The following SBF1 variants were observed in gnomAD, a reference collection of about 807,000 sequenced individuals.
The protein encoded by SBF1 is myotubularin-related protein 5.
In SBF1, 65 loss-of-function variants were observed where a neutral mutation model predicts 215.8. That is an observed-to-expected ratio of 0.30 (90% confidence interval 0.25 to 0.37). The LOEUF is 0.37. Among genes scored for constraint, SBF1 ranks in the 10% least tolerant of loss-of-function variants. The pLI, the probability that SBF1 is intolerant of heterozygous loss-of-function variation, is 1.00. For missense variants in SBF1, 2,634 were observed against 2,667.8 expected, an observed-to-expected ratio of 0.99 and a Z score of 0.28; for synonymous variants, 1,410 against 1,122.8, an observed-to-expected ratio of 1.26 and a Z score of -5.11.
Position 50,459,111 on chromosome 22 carries a change from C to T in SBF1, c.3826+144G>A, listed in dbSNP as rs569406980. ...CTTCCCGCCCCTGCCCCACGGCACC[C>T]GGAGGGCATGCTCCTCATCCCACAC... is the stretch of plus-strand genomic sequence containing the variant. On this transcript the variant is annotated intron_variant, in intron 28 of 40. Coordinates refer to ENST00000380817, the MANE Select transcript of SBF1 (RefSeq NM_002972.4). 42 of 1,268,228 alleles carry T rather than the reference C, an allele frequency of 3.3e-5. 1 individual carries two copies. The highest frequency in any genetic ancestry group is 3.6e-5 in the Non-Finnish European group (34 of 937,572). 78.6% of individuals were successfully genotyped at this position (1,268,228 alleles called of 1,614,324 possible). A position where few individuals can be genotyped will look rare whatever the true frequency, so the allele number is the denominator to read the frequency against.
At position 50,466,128 on chromosome 22, in the gene SBF1, G is replaced by A. The variant is rs1398215379; in HGVS notation, c.897+22C>T. ...GACCTGCAGGCCTGGGCCGTGAGGT[G>A]GACACAAAGCACAGCCCTTACCAGC... On this transcript the variant is annotated intron_variant, in intron 8 of 40. Transcript: ENST00000380817. The A allele has an allele frequency of 2.5e-6, 4 of 1,613,034 alleles. No individual in the cohort carries two copies. The African/African-American group carries it at 5.3e-5, about 22-fold the overall frequency.
intron 22 of SBF1, 30 bp downstream of exon 22, chr22:50,461,493 G>T: frequency 6.4e-7 from 1 of 1,564,510 alleles, no homozygotes; most frequent in Non-Finnish European, 8.7e-7. Context: ...GGGAGAGGGG[G>T]CGACAGGGCC....
chr22:50,461,271 A>G lies in SBF1; in HGVS notation c.2855T>C (p.Val952Ala). Reference protein sequence around the residue: ...PTDPLVGEQVVVRSFPVAALT... With the variant: ...PTDPLVGEQVAVRSFPVAALT... ...CGCAGCCACCGGGAAGGAGCGGACC[A>G]CCACCTGCTCCCCAACTTAGGACAG... Residue 952 changes from valine to alanine, a missense_variant, in exon 23 of 41, where the codon GTG becomes GCG. By Grantham distance (64) the Val-to-Ala change is moderately conservative (BLOSUM62 0). Transcript: ENST00000380817. 3 of 1,575,366 alleles carry G rather than the reference A, an allele frequency of 1.9e-6. No homozygotes were observed. The highest frequency in any genetic ancestry group is 2.6e-6 in the Non-Finnish European group (3 of 1,158,836).
At position 50,464,890 on chromosome 22, in the gene SBF1, G is replaced by A. The variant is rs201158908; in HGVS notation, c.1360C>T (p.Arg454Trp). Residue 454 changes from arginine (R) to tryptophan (W), a missense_variant, in exon 13 of 41, where the codon CGG (arginine) becomes TGG (tryptophan). Transcript: ENST00000380817. ...CGCTGGGGGTGGTTCTCATCCGCCC[G>A]CATCCTTGCCACCTCGTGGGCCACC... ...ELVAHEVARMRADENHPQRVL... is the reference protein window; with the variant it reads ...ELVAHEVARMWADENHPQRVL... The A allele has an allele frequency of 1.7e-5, 28 of 1,613,586 alleles. 1 individual carries two copies. The Admixed American group carries it at 1.8e-4, about 11-fold the overall frequency.
At chr22:50,458,607 G>C (rs1488298390) in intron 28 of SBF1, among the ~76,000 whole-genome samples, 1 of 152,256 alleles carries the variant, frequency 6.6e-6, no homozygotes, top group African/African-American at 2.4e-5. Context: ...AACCACTTCT[G>C]AACTAGAGAA....
chr22:50,467,193 T>A, intron 5 of SBF1, 145 bp downstream of exon 5: 1 of 670,206 alleles, frequency 1.5e-6, no homozygotes, highest in South Asian at 1.8e-5. Flanking sequence ...GCCAGGACTG[T>A]TGGGGGCAAT....
chr22:50,463,479 C>CA, intron 15 of SBF1, 47 bp from the exon 16 acceptor site: 1 of 1,497,206 alleles, frequency 6.7e-7, no homozygotes, highest in Non-Finnish European at 8.9e-7. Flanking sequence ...AGAGAAGACC[C>CA]ACTCGGGGCC....
At chr22:50,452,202 C>T (rs1185774397) in intron 36 of SBF1, among the ~76,000 whole-genome samples, 1 of 150,410 alleles carries the variant, frequency 6.6e-6, no homozygotes, top group Non-Finnish European at 1.5e-5. Flanking sequence ...AGAGAAAATG[C>T]CCTTTGCAAA....
At position 50,467,926 on chromosome 22, in the gene SBF1, G is replaced by A. The variant is rs191369963; in HGVS notation, c.142-3C>T. On this transcript the variant is annotated splice_region_variant and splice_polypyrimidine_tract_variant and intron_variant, in intron 2 of 40. Coordinates refer to ENST00000380817, the MANE Select transcript of SBF1 (RefSeq NM_002972.4). ...TGCCACCCGCTGGGCTGGCAAAACT[G>A]CAGGGAAGGCTCAGCAGTCAGCTCC... 6.1e-5 allele frequency: 98 copies of A among 1,613,610 alleles called. No individual in the cohort carries two copies. The African/African-American group carries it at 1.2e-3, about 20-fold the overall frequency.
In SBF1 at chr22:50,463,314, A is replaced by T; in HGVS notation, c.1868T>A (p.Phe623Tyr). ...GCAGCAGTTCATCATACGGACGACA[A>T]AGTCAAACTGCTGGTGGTCCAGGAC... is the stretch of plus-strand genomic sequence containing the variant. Reference protein sequence around the residue: ...RAVLDHQQFDFVVRMMNCCLQ... With the variant: ...RAVLDHQQFDYVVRMMNCCLQ... The change falls in exon 16 of 41, where the codon TTT (phenylalanine) becomes TAT (tyrosine). Residue 623 changes from phenylalanine to tyrosine, a missense_variant. Phe to Tyr is a conservative substitution (Grantham distance 22). Transcript: ENST00000380817. 6.2e-7 allele frequency: 1 copy of T among 1,613,466 alleles called. No individual in the cohort carries two copies. Among genetic ancestry groups the T allele is most frequent in the South Asian group, 1.1e-5 (1 of 90,948 alleles).
Position 50,452,723 on chromosome 22 carries a change from CAAAAAAAAAAAA to C in SBF1, c.5043+1777_5043+1788del, listed in dbSNP as rs57951967. Among the ~76,000 whole-genome samples the C allele has an allele frequency of 1.3e-4, 5 of 39,536 alleles. No individual in the cohort carries two copies. The South Asian group carries it at 6.6e-3, about 52-fold the overall frequency. The allele number at this position is 39,536 out of a possible 152,430, so 25.9% of individuals were successfully genotyped here. The stretch of plus-strand genomic sequence containing the variant: ...GGTGACTGAGGGAGACTCCATCTCT[CAAAAAAAAAAAA>C]AAAAAAAAAAAAAAAACCATACTGG... On this transcript the variant is annotated intron_variant, in intron 36 of 40. Transcript: ENST00000380817.
At position 50,464,563 on chromosome 22, in the gene SBF1, C is replaced by G. The variant is rs1295821187; in HGVS notation, c.1607G>C (p.Arg536Thr). The G allele has an allele frequency of 6.2e-7, 1 of 1,611,784 alleles. No homozygotes were observed. Among genetic ancestry groups the G allele is most frequent in the Non-Finnish European group, 8.5e-7 (1 of 1,179,374 alleles). ...GGGGGGCCCTGAGGGCACGGTGGTC[C>G]TCCTCTCGGCCTTCACAGCTGGGGG... ...GAPPAVKAER[R>T]TTVPSGPPMT... Residue 536 changes from arginine (R) to threonine (T), a missense_variant, in exon 14 of 41, where the codon AGG (arginine) becomes ACG (threonine). Arg to Thr is a moderately conservative substitution (Grantham distance 71, BLOSUM62 -1). Transcript: ENST00000380817.
intron 1 of SBF1, 84 bp from the exon 2 acceptor site, chr22:50,468,545 C>T: frequency 2.3e-6 from 2 of 864,760 alleles, no homozygotes; most frequent in East Asian, 7.3e-5. Context: ...GGAAACATTC[C>T]CACCCACTGG....
chr22:50,459,293 G>A lies in SBF1; in HGVS notation c.3788C>T (p.Thr1263Met), dbSNP rs1339877415. 4.3e-6 allele frequency: 7 copies of A among 1,611,328 alleles called. No individual in the cohort carries two copies. Among genetic ancestry groups the A allele is most frequent in the Non-Finnish European group, 5.9e-6 (7 of 1,178,288 alleles). Residue 1263 changes from threonine to methionine, a missense_variant, in exon 28 of 41, where the codon ACG becomes ATG. Transcript: ENST00000380817. Reference protein sequence around the residue: ...PRYADASGRNTLSGFSSAHMG... With the variant: ...PRYADASGRNMLSGFSSAHMG... ...GTGGGCTGAGGAGAAGCCGCTAAGC[G>A]TGTTGCGTCCCGACGCGTCGGCGTA...
intron 38 of SBF1, among the ~76,000 whole-genome samples, chr22:50,447,962 A>C (rs1010153024): frequency 2.0e-5 from 3 of 152,192 alleles, no homozygotes; most frequent in African/African-American, 7.2e-5. Flanking sequence ...AGATCTGTAG[A>C]AGCAGCCACG....
intron 23 of SBF1, among the ~76,000 whole-genome samples, chr22:50,460,951 C>T (rs1282203171): frequency 1.3e-5 from 2 of 152,212 alleles, no homozygotes; most frequent in Non-Finnish European, 2.9e-5. Context: ...TGAGGGCCGG[C>T]GCCCCAAGGA....
At position 50,447,119 on chromosome 22, in the gene SBF1, G is replaced by T. The variant is rs1369296763; in HGVS notation, c.*23C>A. 1 of 1,599,072 alleles carries T rather than the reference G, an allele frequency of 6.3e-7. No individual in the cohort carries two copies. Among genetic ancestry groups the T allele is most frequent in the Middle Eastern group, 2.0e-4 (1 of 5,098 alleles). ...GTGGTCGGTAACGACCGGAAGCAGA[G>T]CAGCCGGGCAGGGCTGGGAGGCTCA... On this transcript the variant is annotated 3_prime_UTR_variant, in exon 41 of 41. Transcript: ENST00000380817.
intron 1 of SBF1, among the ~76,000 whole-genome samples, chr22:50,471,743 C>T (rs1478572468): frequency 2.6e-5 from 4 of 152,088 alleles, no homozygotes; most frequent in Non-Finnish European, 5.9e-5. Flanking sequence ...GGACCCCTTC[C>T]GGCTCCCAGG....
At position 50,467,625 on chromosome 22, in the gene SBF1, G is replaced by C; in HGVS notation, c.345C>G (p.His115Gln). Residue 115 changes from histidine (H) to glutamine (Q), a missense_variant, in exon 4 of 41, where the codon CAC becomes CAG. By Grantham distance (24) the His-to-Gln change is conservative. Transcript: ENST00000380817. ...ATGGGGCAGGTGCTGTGGGAGACAG[G>C]TGGGTCTGGCCTCCCTCATCCCCCT... ...EEEGDEGGQT[H>Q]LSPTAPAPSA... The C allele has an allele frequency of 6.2e-7, 1 of 1,614,062 alleles. No individual in the cohort carries two copies. Among genetic ancestry groups the C allele is most frequent in the Non-Finnish European group, 8.5e-7 (1 of 1,179,998 alleles).
Sources: allele counts gnomAD v4.1 joint callset (sites outside exome capture counted in the v4.1 genomes callset), GRCh38; gene constraint gnomAD v4.1.1; transcripts MANE v1.5; gene names NCBI Gene and HGNC (gene_info 2026-07-23, HGNC 2026-07-21).